The following SSPN variants were observed in gnomAD, a reference collection of about 807,000 sequenced individuals.
SSPN encodes the protein sarcospan.
In SSPN, 15 loss-of-function variants were observed where a neutral mutation model predicts 19.1. The ratio of observed to expected loss-of-function variants is 0.78; its 90% CI spans 0.52 to 1.21. SSPN has a LOEUF of 1.21. Ranked by LOEUF, SSPN falls within the 50% of genes most tolerant of loss-of-function variation. SSPN has a pLI of 0.00. For missense variants in SSPN, 291 were observed against 314.0 expected (o/e 0.93, Z 0.55); for synonymous variants, 147 against 140.3 (o/e 1.05, Z -0.34).
intron 1 of SSPN, among the ~76,000 whole-genome samples, chr12:26,209,786 T>A (rs938067196): frequency 7.4e-6 from 1 of 135,776 alleles, no homozygotes; most frequent in Admixed American, 8.2e-5. Flanking sequence ...ATAGCTCTGA[T>A]TCTTAGAGCG....
chr12:26,124,174 G>C (rs931905067), intron 1 of SSPN: 4 of 1,589,914 alleles, frequency 2.5e-6, no homozygotes, highest in Admixed American at 1.7e-5. Flanking sequence ...GTAATTTGTA[G>C]GTATCCTTAA....
At chr12:26,134,546 A>G (rs560841983) in intron 1 of SSPN, among the ~76,000 whole-genome samples, 1 of 152,378 alleles carries the variant, frequency 6.6e-6, no homozygotes, top group Non-Finnish European at 1.5e-5. Context: ...CAGAACAGAC[A>G]CACAACTCTT....
At chr12:26,138,895 A>G (rs1352883923) in intron 1 of SSPN, among the ~76,000 whole-genome samples, 1 of 152,192 alleles carries the variant, frequency 6.6e-6, no homozygotes, top group African/African-American at 2.4e-5. Flanking sequence ...ATATTTTTAA[A>G]CAGTGATCAT....
chr12:26,132,201 G>A (rs1021271832), intron 1 of SSPN, among the ~76,000 whole-genome samples: 3 of 152,132 alleles, frequency 2.0e-5, no homozygotes, highest in African/African-American at 7.2e-5. Context: ...GGTGTGGTTA[G>A]CTCACTGAAT....
chr12:26,214,962 T>G (rs909605110), intron 1 of SSPN, among the ~76,000 whole-genome samples: 2 of 152,182 alleles, frequency 1.3e-5, no homozygotes, highest in Non-Finnish European at 2.9e-5. Context: ...GGGATTTTGA[T>G]AAGTGATCAG....
chr12:26,224,785 G>GAA (rs137938435), intron 2 of SSPN, among the ~76,000 whole-genome samples: 1 of 152,008 alleles, frequency 6.6e-6, no homozygotes, highest in Non-Finnish European at 1.5e-5. Flanking sequence ...CACTGAGACA[G>GAA]AAAAAGTACA....
upstream of SSPN, chr12:26,195,442 G>T: frequency 1.4e-6 from 1 of 712,692 alleles, no homozygotes; most frequent in Non-Finnish European, 1.9e-6. Context: ...CCCGGGGCCC[G>T]GCAGGCGCTG....
chr12:26,124,008 G>T, intron 1 of SSPN: 1 of 1,089,380 alleles, frequency 9.2e-7, no homozygotes, highest in Admixed American at 1.8e-5. Context: ...ATATTTTCTG[G>T]GAGTCGCACC....
At chr12:26,124,744 C>CT in intron 1 of SSPN, 1 of 1,614,216 alleles carries the variant, frequency 6.2e-7, no homozygotes, top group Non-Finnish European at 8.5e-7. Flanking sequence ...GTTCCAGTAA[C>CT]TGTCTCTCTT....
chr12:26,167,612 T>A (rs1944628972), intron 1 of SSPN, among the ~76,000 whole-genome samples: 2 of 152,208 alleles, frequency 1.3e-5, no homozygotes, highest in South Asian at 4.1e-4. Context: ...TGAATAAATA[T>A]AAACAAGCTT....
At chr12:26,222,993 A>C (rs565511461) in intron 1 of SSPN, among the ~76,000 whole-genome samples, 3 of 152,264 alleles carry the variant, frequency 2.0e-5, no homozygotes, top group South Asian at 2.1e-4. Flanking sequence ...GCATGCTACT[A>C]TCTGAGCTCT....
chr12:26,225,365 G>A (rs1945166277), intron 2 of SSPN, among the ~76,000 whole-genome samples: 1 of 151,948 alleles, frequency 6.6e-6, no homozygotes, highest in African/African-American at 2.4e-5. Flanking sequence ...GTAATTAATA[G>A]ATACAAACAT....
At chr12:26,124,945 CT>C (rs915707113) in intron 1 of SSPN, 16 of 721,928 alleles carry the variant, frequency 2.2e-5, no homozygotes, top group East Asian at 2.7e-5. Context: ...GGTCCCCCCC[CT>C]CCACCGCGCT....
upstream of SSPN, among the ~76,000 whole-genome samples, chr12:26,194,764 A>T (rs1236548949): frequency 3.9e-5 from 6 of 152,214 alleles, no homozygotes; most frequent in African/African-American, 1.4e-4. Context: ...AAGCAGCAGG[A>T]TCCCTTGAAG....
chr12:26,194,440 C>T (rs988560205), upstream of SSPN, among the ~76,000 whole-genome samples: 3 of 152,204 alleles, frequency 2.0e-5, no homozygotes, highest in Admixed American at 6.5e-5. Flanking sequence ...GGCTGGAGTG[C>T]AGTGCCATGA....
At chr12:26,184,198 G>A (rs781490487) in intron 1 of SSPN, among the ~76,000 whole-genome samples, 1 of 152,168 alleles carries the variant, frequency 6.6e-6, no homozygotes, top group African/African-American at 2.4e-5. Flanking sequence ...AAAGAGTAAG[G>A]AATTCCTTTT....
intron 1 of SSPN, among the ~76,000 whole-genome samples, chr12:26,129,264 C>A (rs1463872964): frequency 6.6e-6 from 1 of 152,224 alleles, no homozygotes; most frequent in Non-Finnish European, 1.5e-5. Context: ...GGACAAGAAT[C>A]TGCAGACGTT....
intron 1 of SSPN, among the ~76,000 whole-genome samples, chr12:26,189,202 A>G (rs1293894174): frequency 6.6e-6 from 1 of 152,212 alleles, no homozygotes; most frequent in Non-Finnish European, 1.5e-5. Context: ...ATTTACAGAA[A>G]ATATGTTTTT....
At chr12:26,152,306 A>G (rs1944530406) in intron 1 of SSPN, among the ~76,000 whole-genome samples, 1 of 152,236 alleles carries the variant, frequency 6.6e-6, no homozygotes, top group Non-Finnish European at 1.5e-5. Context: ...CCTCAAGATC[A>G]TAGATAACAA....
Sources: allele counts gnomAD v4.1 joint callset (sites outside exome capture counted in the v4.1 genomes callset), GRCh38; gene constraint gnomAD v4.1.1; transcripts MANE v1.5; gene names NCBI Gene and HGNC (gene_info 2026-07-23, HGNC 2026-07-21).